KATNIP: variants seen among roughly 807,000 people sequenced by gnomAD.
KATNIP encodes katanin-interacting protein.
KATNIP carries 126 observed loss-of-function variants against 174.0 expected under a neutral mutation model. The ratio of observed to expected loss-of-function variants is 0.72; its 90% CI spans 0.63 to 0.84. KATNIP has a LOEUF of 0.84. KATNIP is among the 40% of genes least tolerant of loss of function. KATNIP has a pLI of 0.00. For synonymous variants in KATNIP, 810 were observed against 835.7 expected, an observed-to-expected ratio of 0.97 and a Z score of 0.53; for missense variants, 1,958 against 2,109.7, an observed-to-expected ratio of 0.93 and a Z score of 1.41.
intron 8 of KATNIP, among the ~76,000 whole-genome samples, chr16:27,692,485 A>G (rs747495174): frequency 3.1e-4 from 47 of 152,150 alleles, no homozygotes; most frequent in Non-Finnish European, 5.3e-4. Context: ...CTCTACAAGA[A>G]CTGAGCCCGC....
chr16:27,652,805 CA>C (rs55843823), intron 6 of KATNIP, among the ~76,000 whole-genome samples: 92,379 of 120,862 alleles, frequency 0.76, 33,184 homozygotes, highest in East Asian at 0.95. Context: ...AACTCCATCT[CA>C]AAAAAAAAAA....
chr16:27,670,345 A>G (rs28535114), intron 6 of KATNIP, among the ~76,000 whole-genome samples: 21,904 of 152,258 alleles, frequency 0.14, 1,638 homozygotes, highest in Middle Eastern at 0.19. Context: ...CCTAGTATTT[A>G]TTCAAACTTT....
At chr16:27,722,270 A>AT (rs1294919829) in intron 14 of KATNIP, 1 of 152,102 alleles carries the variant, frequency 6.6e-6, no homozygotes, top group African/African-American at 2.4e-5. Flanking sequence ...CTCTGGTTCT[A>AT]TTTTTTATTT....
intron 27 of KATNIP, among the ~76,000 whole-genome samples, chr16:27,778,174 C>T (rs1287736816): frequency 6.6e-6 from 1 of 152,160 alleles, no homozygotes; most frequent in Non-Finnish European, 1.5e-5. Context: ...TTGCAGGCAC[C>T]TGTAACACAG....
In KATNIP at chr16:27,778,754, C is replaced by G; in HGVS notation, c.*125C>G. 1.1e-6 allele frequency: 1 copy of G among 898,810 alleles called. No individual in the cohort carries two copies. The highest frequency in any genetic ancestry group is 1.8e-5 in the South Asian group (1 of 56,910). The allele number at this position is 898,810 out of a possible 1,614,324, so 55.7% of individuals were successfully genotyped here. On this transcript the variant is annotated 3_prime_UTR_variant, in exon 28 of 28. Transcript: ENST00000261588. ...GCGAACCACAGTGTTGAGGGGAGCC[C>G]GCTGGGAAGAGGGGACTCGGGAGGA...
In KATNIP at chr16:27,698,307, C is replaced by G. The variant is rs756786208; in HGVS notation, c.941-21C>G. On this transcript the variant is annotated intron_variant, in intron 8 of 27. Coordinates refer to ENST00000261588, the MANE Select transcript of KATNIP (RefSeq NM_015202.5). ...CCGAGAATATAATCTAAAAGAACGT[C>G]CCCCTGTCTTCTGCCCTCAGGACCT... The G allele has an allele frequency of 5.0e-6, 8 of 1,592,622 alleles. No homozygotes were observed. The South Asian group carries it at 9.1e-5, about 18-fold the overall frequency.
chr16:27,766,071 C>A (rs1176739654), intron 19 of KATNIP, among the ~76,000 whole-genome samples: 1 of 151,488 alleles, frequency 6.6e-6, no homozygotes, highest in African/African-American at 2.4e-5. Context: ...GATTGCTTTT[C>A]TGCACCTTTA....
chr16:27,588,503 C>A (rs1449372158), intron 2 of KATNIP, among the ~76,000 whole-genome samples: 4 of 151,972 alleles, frequency 2.6e-5, no homozygotes, highest in Non-Finnish European at 5.9e-5. Context: ...TGGAGAAAGG[C>A]CTTGCTCTGC....
intron 19 of KATNIP, among the ~76,000 whole-genome samples, chr16:27,763,906 C>T (rs2082038258): frequency 6.6e-6 from 1 of 152,152 alleles, no homozygotes; most frequent in Non-Finnish European, 1.5e-5. Context: ...TAGTCTGCTC[C>T]TTGCTCCCCT....
chr16:27,732,734 T>C (rs2080742185), intron 14 of KATNIP, among the ~76,000 whole-genome samples: 1 of 152,206 alleles, frequency 6.6e-6, no homozygotes, highest in South Asian at 2.1e-4. Context: ...CATATCTCGA[T>C]AGACCTACAG....
intron 6 of KATNIP, among the ~76,000 whole-genome samples, chr16:27,656,860 C>T (rs1330029918): frequency 4.0e-5 from 6 of 149,396 alleles, no homozygotes; most frequent in Admixed American, 2.0e-4. Context: ...GTGGGTGCAG[C>T]GCACCAGCAT....
chr16:27,627,932 G>C (rs2076381462), intron 3 of KATNIP, among the ~76,000 whole-genome samples: 1 of 152,178 alleles, frequency 6.6e-6, no homozygotes, highest in Non-Finnish European at 1.5e-5. Flanking sequence ...TCAGGATTGG[G>C]TAAAGGACCA....
chr16:27,606,478 TACACACACACACAC>T (rs149635649), intron 2 of KATNIP, among the ~76,000 whole-genome samples: 1 of 145,604 alleles, frequency 6.9e-6, no homozygotes, highest in African/African-American at 2.5e-5. Context: ...ATCTCTCTCA[TACACACACACACAC>T]ACACACAGAC....
chr16:27,687,281 A>C (rs2078559500), intron 8 of KATNIP: 1 of 151,670 alleles, frequency 6.6e-6, no homozygotes, highest in South Asian at 2.1e-4. Flanking sequence ...TTCATTCTCC[A>C]TGCCTTCAAA....
intron 1 of KATNIP, among the ~76,000 whole-genome samples, chr16:27,551,315 G>A (rs528037689): frequency 1.5e-4 from 23 of 152,138 alleles, no homozygotes; most frequent in Non-Finnish European, 2.8e-4. Context: ...ATGTAGTGTG[G>A]AGAAAATGTT....
chr16:27,718,907 A>AAAG, intron 13 of KATNIP: 1 of 152,386 alleles, frequency 6.6e-6, no homozygotes, highest in South Asian at 2.1e-4. Context: ...CCTCCACCGC[A>AAAG]GCTGGAGCCT....
Position 27,777,794 on chromosome 16 carries a change from G to A in KATNIP, c.4712+24G>A, listed in dbSNP as rs1207671791. ...AGGTAGGGCCCCAGCCGGCCCCATG[G>A]CCTCCCCACCAGCCCTAAGGAGGAT... On this transcript the variant is annotated intron_variant, in intron 26 of 27. Transcript: ENST00000261588. This position sits in a 1 kb window ranked among gnomAD's most constrained non-coding sequence, Gnocchi z 4.4. 6.2e-7 allele frequency: 1 copy of A among 1,612,694 alleles called. No individual in the cohort carries two copies. The highest frequency in any genetic ancestry group is 1.3e-5 in the African/African-American group (1 of 74,916).
At chr16:27,577,279 C>T (rs976373513) in intron 2 of KATNIP, among the ~76,000 whole-genome samples, 8 of 152,100 alleles carry the variant, frequency 5.3e-5, no homozygotes, top group Admixed American at 2.0e-4. Context: ...TGGTGGCTCA[C>T]GCCTGTTATC....
At chr16:27,590,706 C>T (rs1482058701) in intron 2 of KATNIP, among the ~76,000 whole-genome samples, 1 of 152,220 alleles carries the variant, frequency 6.6e-6, no homozygotes, top group Non-Finnish European at 1.5e-5. Context: ...ATCTCTTTGA[C>T]CCTTGGCCTG....
Sources: allele counts gnomAD v4.1 joint callset (sites outside exome capture counted in the v4.1 genomes callset), GRCh38; gene constraint gnomAD v4.1.1; non-coding constraint Gnocchi (gnomAD v3.1); transcripts MANE v1.5; gene names NCBI Gene and HGNC (gene_info 2026-07-23, HGNC 2026-07-21).